The following DNM3 variants were observed in gnomAD, a reference collection of about 807,000 sequenced individuals.
The protein encoded by DNM3 is dynamin 3, also known as dynamin-3.
A neutral mutation model predicts 101.6 loss-of-function variants in DNM3; 47 were observed. The observed-to-expected ratio is 0.46, with a 90% CI of 0.37 to 0.59. DNM3 has a LOEUF of 0.59. Among genes scored for constraint, DNM3 ranks in the 20% least tolerant of loss-of-function variants. The pLI is 0.00. For missense variants in DNM3, 849 were observed against 1,085.7 expected, an observed-to-expected ratio of 0.78 and a Z score of 3.06; for synonymous variants, 385 against 387.9, an observed-to-expected ratio of 0.99 and a Z score of 0.09.
At chr1:172,267,127 A>T (rs56682471) in intron 15 of DNM3, among the ~76,000 whole-genome samples, 35,062 of 152,174 alleles carry the variant, frequency 0.23, 4,116 homozygotes, top group African/African-American at 0.27. Flanking sequence ...CACAATGATA[A>T]GTTAAATAAT....
intron 2 of DNM3, among the ~76,000 whole-genome samples, chr1:171,975,420 T>A (rs552367396): frequency 1.8e-4 from 27 of 152,342 alleles, no homozygotes; most frequent in African/African-American, 6.3e-4. Flanking sequence ...ACTAGGTCGA[T>A]GTTGCTTGGG....
chr1:172,196,860 C>T (rs752507816), intron 14 of DNM3, among the ~76,000 whole-genome samples: 1 of 151,980 alleles, frequency 6.6e-6, no homozygotes, highest in Non-Finnish European at 1.5e-5. Context: ...TGTAGGTTGT[C>T]CATTTGTTCT....
intron 13 of DNM3, among the ~76,000 whole-genome samples, chr1:172,111,449 G>C (rs2055471772): frequency 6.6e-6 from 1 of 152,164 alleles, no homozygotes; most frequent in Non-Finnish European, 1.5e-5. Context: ...ACATTCTATT[G>C]AGTACTTTAT....
chr1:172,015,533 G>A (rs2047393360), intron 4 of DNM3, among the ~76,000 whole-genome samples: 1 of 152,072 alleles, frequency 6.6e-6, no homozygotes, highest in African/African-American at 2.4e-5. Flanking sequence ...GGGTTCTAAT[G>A]TAAATAGTAA....
chr1:172,411,004 TC>T lies in DNM3; in HGVS notation c.*3165del, dbSNP rs1256663064. On this transcript the variant is annotated 3_prime_UTR_variant, in exon 21 of 21. Coordinates refer to ENST00000627582, the MANE Select transcript of DNM3 (RefSeq NM_015569.5). ...TTTCTGTAAGTATGTGTATTTTATGTCCATTTGAGTAGGTAGGTAGGTTTTA... is the reference window on the plus strand; with the variant it reads ...TTTCTGTAAGTATGTGTATTTTATGTCATTTGAGTAGGTAGGTAGGTTTTA... 1.0e-6 allele frequency: 1 copy of T among 985,146 alleles called. No individual in the cohort carries two copies. The highest frequency in any genetic ancestry group is 1.2e-6 in the Non-Finnish European group (1 of 829,796). The allele number at this position is 985,146 out of a possible 1,614,324, so 61.0% of individuals were successfully genotyped here.
intron 8 of DNM3, among the ~76,000 whole-genome samples, chr1:172,043,777 G>T (rs931848204): frequency 6.6e-6 from 1 of 152,166 alleles, no homozygotes; most frequent in Non-Finnish European, 1.5e-5. Flanking sequence ...AGAGGTCAGG[G>T]TTGAACTCAA....
At position 172,133,291 on chromosome 1, in the gene DNM3, C is replaced by T. The variant is rs184953234; in HGVS notation, c.1659+2003C>T. On this transcript the variant is annotated intron_variant, in intron 14 of 20. Coordinates refer to ENST00000627582, the MANE Select transcript of DNM3 (RefSeq NM_015569.5). ...GGTTATTGGCTCATCTCCTCTCCTC[C>T]AGACTCAGGATAATTCTTTACAAAA... 2.9e-6 allele frequency: 3 copies of T among 1,038,676 alleles called. No individual in the cohort carries two copies. In the East Asian group the frequency reaches 2.5e-4, roughly 87 times the overall value. The allele number at this position is 1,038,676 out of a possible 1,614,324, so 64.3% of individuals were successfully genotyped here.
chr1:171,979,120 C>G (rs6684723), intron 2 of DNM3, among the ~76,000 whole-genome samples: 39,834 of 151,850 alleles, frequency 0.26, 6,245 homozygotes, highest in African/African-American at 0.43. Context: ...AGCAAAGAAC[C>G]ATGGAGAAAG....
At chr1:172,119,265 TAC>T (rs2056141296) in intron 13 of DNM3, among the ~76,000 whole-genome samples, 1 of 152,128 alleles carries the variant, frequency 6.6e-6, no homozygotes. Context: ...GTGCTAGGAT[TAC>T]AGGTGTGAGC....
chr1:171,998,828 A>T (rs1370380867), intron 4 of DNM3, among the ~76,000 whole-genome samples: 1 of 152,112 alleles, frequency 6.6e-6, no homozygotes, highest in Non-Finnish European at 1.5e-5. Flanking sequence ...ACCATCTGGA[A>T]GAAGAGTGTT....
chr1:171,868,237 A>C lies in DNM3; in HGVS notation c.161+26420A>C, dbSNP rs748118572. On this transcript the variant is annotated intron_variant, in intron 1 of 20. Transcript: ENST00000627582. Reference sequence around the variant, plus strand: ...GAGTGAGTGTTATTTTCTAAGAGACAGGATCTCTTAGGGGTAATCAGTTTG... The same window carrying C: ...GAGTGAGTGTTATTTTCTAAGAGACCGGATCTCTTAGGGGTAATCAGTTTG... Among the ~76,000 whole-genome samples, 87 of 152,202 alleles carry C rather than the reference A, an allele frequency of 5.7e-4. 1 individual carries two copies. The highest frequency in any genetic ancestry group is 1.1e-3 in the Non-Finnish European group (76 of 68,012).
intron 16 of DNM3, among the ~76,000 whole-genome samples, chr1:172,314,417 G>A (rs921356220): frequency 9.2e-5 from 14 of 152,190 alleles, no homozygotes; most frequent in Non-Finnish European, 2.9e-5. Context: ...CGGTGCACGA[G>A]CCGAAGCAGG....
At chr1:172,210,343 G>A (rs1488535017) in intron 14 of DNM3, among the ~76,000 whole-genome samples, 1 of 71,652 alleles carries the variant, frequency 1.4e-5, no homozygotes, top group Non-Finnish European at 3.0e-5. Flanking sequence ...TTTTTTGCCT[G>A]TTTGCGTTCT....
intron 2 of DNM3, among the ~76,000 whole-genome samples, chr1:171,960,204 G>A (rs2043127548): frequency 6.8e-6 from 1 of 146,764 alleles, no homozygotes; most frequent in South Asian, 2.3e-4. Context: ...GCATCCATAA[G>A]CCAAGCCATT....
intron 1 of DNM3, among the ~76,000 whole-genome samples, chr1:171,842,429 A>G (rs1230611813): frequency 6.6e-6 from 1 of 152,172 alleles, no homozygotes; most frequent in Non-Finnish European, 1.5e-5. Context: ...AGCTTTATCC[A>G]GAGACGCTTC....
chr1:172,131,273 G>A lies in DNM3; in HGVS notation c.1644G>A (p.Trp548Ter), dbSNP rs1365655755. The A allele has an allele frequency of 5.0e-6, 8 of 1,613,046 alleles. No homozygotes were observed. Among genetic ancestry groups the A allele is most frequent in the Non-Finnish European group, 5.9e-6 (7 of 1,179,384 alleles). ...WFVLTAESLS[W>*]YKDDEEKEKK... The stretch of plus-strand genomic sequence containing the variant: ...TCCTTACTGCGGAAAGCTTGTCCTG[G>A]TATAAAGATGATGAGGTAAGTCACA... Residue 548 changes from tryptophan to a stop codon, truncating the protein, a stop_gained, in exon 14 of 21, where the codon TGG (tryptophan) becomes TGA (stop). Transcript: ENST00000627582. LOFTEE classifies it high-confidence loss of function.
At chr1:172,220,162 G>A (rs1170746283) in intron 14 of DNM3, among the ~76,000 whole-genome samples, 1 of 152,136 alleles carries the variant, frequency 6.6e-6, no homozygotes. Flanking sequence ...TGAAGAGAAA[G>A]GGTTGTTTGC....
intron 1 of DNM3, among the ~76,000 whole-genome samples, chr1:171,897,836 A>C (rs1426041398): frequency 3.3e-5 from 5 of 152,162 alleles, no homozygotes; most frequent in Non-Finnish European, 4.4e-5. Flanking sequence ...AATACAGTTA[A>C]ATGTTTAAAT....
At position 172,387,178 on chromosome 1, in the gene DNM3, T is replaced by G; in HGVS notation, c.2104T>G (p.Ser702Ala). The G allele has an allele frequency of 1.9e-6, 3 of 1,613,982 alleles. No individual in the cohort carries two copies. Among genetic ancestry groups the G allele is most frequent in the Non-Finnish European group, 2.5e-6 (3 of 1,179,886 alleles). The change falls in exon 19 of 21, where the codon TCA becomes GCA. Residue 702 changes from serine (S) to alanine (A), a missense_variant. Coordinates refer to ENST00000627582, the MANE Select transcript of DNM3 (RefSeq NM_015569.5). ...CGAGCTCCTAGCACAGTTGTATTCT[T>G]CAGAGGACCAAAATACCCTGATGGA... is the stretch of plus-strand genomic sequence containing the variant. The part of the protein sequence containing the change: ...NSELLAQLYS[S>A]EDQNTLMEES...
Sources: gnomAD v4.1 joint callset for allele counts (sites outside exome capture counted in the v4.1 genomes callset) on GRCh38, gnomAD v4.1.1 for gene constraint, MANE v1.5 for transcripts, NCBI Gene and HGNC (gene_info 2026-07-23, HGNC 2026-07-21) for gene names.